STK33: variants seen among roughly 807,000 people sequenced by gnomAD.
STK33 encodes the protein serine/threonine-protein kinase 33.
In STK33, 52 loss-of-function variants were observed where a neutral mutation model predicts 58.0. The observed-to-expected ratio is 0.90, with a 90% CI of 0.72 to 1.13. The LOEUF is 1.13. STK33 is among the 50% of genes most tolerant of loss of function. The pLI, the probability that STK33 is intolerant of heterozygous loss-of-function variation, is 0.00. For missense variants in STK33, 630 were observed against 604.2 expected, an observed-to-expected ratio of 1.04 and a Z score of -0.45; for synonymous variants, 215 against 200.1, an observed-to-expected ratio of 1.07 and a Z score of -0.63.
intron 14 of STK33, among the ~76,000 whole-genome samples, chr11:8,417,333 G>A (rs1941276247): frequency 6.6e-6 from 1 of 152,206 alleles, no homozygotes; most frequent in South Asian, 2.1e-4. Flanking sequence ...CTAGAAAAAT[G>A]AAACTCATGG....
At chr11:8,504,808 G>C (rs1463072838) in intron 1 of STK33, among the ~76,000 whole-genome samples, 1 of 151,800 alleles carries the variant, frequency 6.6e-6, no homozygotes, top group Admixed American at 6.6e-5. Context: ...TAAAAAAAAG[G>C]AAAATAAATA....
chr11:8,372,729 T>C, the STK33 span, among the ~76,000 whole-genome samples: 2 of 152,164 alleles, frequency 1.3e-5, no homozygotes, highest in African/African-American at 4.8e-5. Context: ...ATCTGTGGGG[T>C]TGCCCACTAC....
At chr11:8,519,980 C>T (rs1953239753) in intron 1 of STK33, among the ~76,000 whole-genome samples, 1 of 152,210 alleles carries the variant, frequency 6.6e-6, no homozygotes, top group Non-Finnish European at 1.5e-5. Flanking sequence ...AAAATCCTCC[C>T]TAGCTCATTT....
At chr11:8,346,933 T>C in the STK33 span, among the ~76,000 whole-genome samples, 2 of 152,220 alleles carry the variant, frequency 1.3e-5, no homozygotes, top group African/African-American at 2.4e-5. Flanking sequence ...TGCAAAATCA[T>C]AGACCTTTAT....
At chr11:8,550,529 A>C (rs908054727) in intron 1 of STK33, among the ~76,000 whole-genome samples, 2 of 152,188 alleles carry the variant, frequency 1.3e-5, no homozygotes, top group East Asian at 3.9e-4. Flanking sequence ...GAATATCTTT[A>C]ACAGCACCCA....
chr11:8,565,478 G>A (rs1957389080), intron 1 of STK33, among the ~76,000 whole-genome samples: 2 of 151,502 alleles, frequency 1.3e-5, no homozygotes, highest in Non-Finnish European at 2.9e-5. Flanking sequence ...GGAGTCATAA[G>A]CCCCGAGTTC....
intron 8 of STK33, among the ~76,000 whole-genome samples, chr11:8,460,221 G>A: frequency 6.6e-6 from 1 of 152,006 alleles, no homozygotes; most frequent in African/African-American, 2.4e-5. Context: ...TAAAGCAGCA[G>A]GAAAATAGAA....
the STK33 span, among the ~76,000 whole-genome samples, chr11:8,343,695 T>G: frequency 6.6e-6 from 1 of 152,028 alleles, no homozygotes; most frequent in African/African-American, 2.4e-5. Flanking sequence ...CCCTCTCCCC[T>G]TCCCCAGCAC....
chr11:8,502,403 T>C (rs1305080424), intron 1 of STK33, among the ~76,000 whole-genome samples: 1 of 152,110 alleles, frequency 6.6e-6, no homozygotes, highest in Non-Finnish European at 1.5e-5. Flanking sequence ...ATTCAATCAG[T>C]GGTGCTGGGA....
chr11:8,528,798 T>C (rs35807094), intron 1 of STK33, among the ~76,000 whole-genome samples: 26,220 of 152,100 alleles, frequency 0.17, 2,686 homozygotes, highest in South Asian at 0.31. Flanking sequence ...ACAGTGCCAG[T>C]AGGTGAGTCC....
intron 1 of STK33, among the ~76,000 whole-genome samples, chr11:8,507,174 A>G (rs1011698662): frequency 6.6e-6 from 1 of 152,144 alleles, no homozygotes; most frequent in Non-Finnish European, 1.5e-5. Context: ...CTTGCCCCCA[A>G]AAAGAGCCTT....
At chr11:8,354,159 TCTC>T in the STK33 span, among the ~76,000 whole-genome samples, 2 of 151,940 alleles carry the variant, frequency 1.3e-5, no homozygotes, top group African/African-American at 4.8e-5. Context: ...ACCCACCGTG[TCTC>T]CTCCTCTCCT....
downstream of STK33, among the ~76,000 whole-genome samples, chr11:8,390,115 G>A (rs569440942): frequency 6.6e-5 from 10 of 152,160 alleles, no homozygotes; most frequent in Admixed American, 2.0e-4. Flanking sequence ...CTTCTCTGAT[G>A]TAAGGCCTTC....
chr11:8,532,359 T>A (rs1157023561), intron 1 of STK33, among the ~76,000 whole-genome samples: 3 of 152,230 alleles, frequency 2.0e-5, no homozygotes, highest in African/African-American at 7.2e-5. Flanking sequence ...TCACTTATTA[T>A]CTATCTTTGC....
At chr11:8,587,891 A>T (rs531739859) in intron 1 of STK33, among the ~76,000 whole-genome samples, 124 of 152,338 alleles carry the variant, frequency 8.1e-4, no homozygotes, top group African/African-American at 2.8e-3. Context: ...TCAACAGGCC[A>T]ATTATCTTAG....
At chr11:8,577,260 C>A (rs1958253469) in intron 1 of STK33, among the ~76,000 whole-genome samples, 1 of 152,074 alleles carries the variant, frequency 6.6e-6, no homozygotes, top group South Asian at 2.1e-4. Flanking sequence ...CTTCAATAAT[C>A]ATAGTGACTT....
chr11:8,431,800 ATTTTCTTTT>A (rs1943456582), intron 14 of STK33, among the ~76,000 whole-genome samples: 1 of 151,768 alleles, frequency 6.6e-6, no homozygotes, highest in Admixed American at 6.6e-5. Flanking sequence ...TCCACTCACG[ATTTTCTTTT>A]TTTTCTTAGT....
chr11:8,362,911 T>TTCTTTCCTCCC, the STK33 span, among the ~76,000 whole-genome samples: 1 of 116,328 alleles, frequency 8.6e-6, no homozygotes, highest in Non-Finnish European at 1.8e-5. Context: ...TCTCCCTTCC[T>TTCTTTCCTCCC]TCCTTCCTCC....
intron 11 of STK33, among the ~76,000 whole-genome samples, chr11:8,445,156 G>C (rs986029368): frequency 6.6e-6 from 1 of 152,210 alleles, no homozygotes; most frequent in Non-Finnish European, 1.5e-5. Flanking sequence ...AACTGTGAAT[G>C]GGAGTTCCCT....
Sources: gnomAD v4.1 joint callset for allele counts (sites outside exome capture counted in the v4.1 genomes callset) on GRCh38, gnomAD v4.1.1 for gene constraint, MANE v1.5 for transcripts, NCBI Gene and HGNC (gene_info 2026-07-23, HGNC 2026-07-21) for gene names.